The following SANBR variants were observed in gnomAD, a reference collection of about 807,000 sequenced individuals.
SANBR encodes SANT and BTB domain regulator of class switch recombination.
Under a neutral mutation model 101.8 loss-of-function variants are expected in SANBR, and 77 were observed. That is an observed-to-expected ratio of 0.76 (90% CI 0.63 to 0.91). The LOEUF is 0.91. Among genes scored for constraint, SANBR ranks in the 40% least tolerant of loss-of-function variants. SANBR has a pLI of 0.00. For synonymous variants in SANBR, 279 were observed against 274.7 expected (o/e 1.02, Z -0.15); for missense variants, 875 against 853.0 (o/e 1.03, Z -0.32).
intron 20 of SANBR, among the ~76,000 whole-genome samples, chr2:61,119,056 C>T (rs767497218): frequency 5.9e-5 from 9 of 152,182 alleles, no homozygotes; most frequent in South Asian, 4.2e-4. Flanking sequence ...ATCCAGCAGG[C>T]GACTGTCTGA....
chr2:61,094,633 CTCT>C (rs1248927260), intron 11 of SANBR, among the ~76,000 whole-genome samples: 4 of 132,258 alleles, frequency 3.0e-5, no homozygotes, highest in Non-Finnish European at 4.8e-5. Context: ...GTATTTATTT[CTCT>C]TCTTTTTTTT....
chr2:61,120,925 CA>C (rs1684305149), intron 20 of SANBR, among the ~76,000 whole-genome samples: 1 of 152,000 alleles, frequency 6.6e-6, no homozygotes, highest in South Asian at 2.1e-4. Flanking sequence ...GACAGGGGAA[CA>C]AGGGAATTTT....
At chr2:61,110,146 CTT>C (rs758406037) in intron 16 of SANBR, among the ~76,000 whole-genome samples, 1 of 152,160 alleles carries the variant, frequency 6.6e-6, no homozygotes, top group Non-Finnish European at 1.5e-5. Context: ...CATGAGTAAT[CTT>C]TTGTCTCTGG....
chr2:61,067,846 G>C (rs1378344265), intron 1 of SANBR, among the ~76,000 whole-genome samples: 5 of 152,200 alleles, frequency 3.3e-5, no homozygotes, highest in Non-Finnish European at 7.3e-5. Context: ...TCAGTGCTTT[G>C]TTCTCTAGAG....
chr2:61,068,359 G>A (rs1460911578), intron 1 of SANBR, among the ~76,000 whole-genome samples: 1 of 152,204 alleles, frequency 6.6e-6, no homozygotes, highest in African/African-American at 2.4e-5. Flanking sequence ...GCACAAGGCA[G>A]TGCTTTACAG....
At chr2:61,130,929 CAAAAAAAAAAAAAAAAA>C (rs59171411) in intron 20 of SANBR, among the ~76,000 whole-genome samples, 1 of 13,220 alleles carries the variant, frequency 7.6e-5, no homozygotes, top group African/African-American at 2.4e-4. Flanking sequence ...GACTCTGTCT[CAAAAAAAAAAAAAAAAA>C]AAAAAAAAAA....
chr2:61,115,963 G>A lies in SANBR; in HGVS notation c.1745-16G>A, dbSNP rs756092800. On this transcript the variant is annotated splice_polypyrimidine_tract_variant and intron_variant, in intron 16 of 21. Coordinates refer to ENST00000402291, the MANE Select transcript of SANBR (RefSeq NM_001129993.3). ...ATATGGGGCCTAAGTTTATAACATT[G>A]TCTTCTCATTATCAGGGAAAAAGGA... 2 of 1,551,334 alleles carry A rather than the reference G, an allele frequency of 1.3e-6. No individual in the cohort carries two copies. The highest frequency in any genetic ancestry group is 1.1e-5 in the South Asian group (1 of 87,436).
intron 20 of SANBR, among the ~76,000 whole-genome samples, chr2:61,133,550 C>T (rs755295663): frequency 4.0e-5 from 6 of 151,618 alleles, no homozygotes; most frequent in Admixed American, 1.3e-4. Context: ...CCCAGGAGTT[C>T]AAGACCGGCC....
intron 16 of SANBR, among the ~76,000 whole-genome samples, chr2:61,112,413 A>G (rs918820888): frequency 6.6e-6 from 1 of 151,780 alleles, no homozygotes; most frequent in African/African-American, 2.4e-5. Flanking sequence ...ATTTCTTTGT[A>G]TATACTTTAG....
At chr2:61,079,220 GA>G (rs1476355559) in intron 6 of SANBR, among the ~76,000 whole-genome samples, 1 of 152,042 alleles carries the variant, frequency 6.6e-6, no homozygotes, top group Non-Finnish European at 1.5e-5. Flanking sequence ...CAGTTTTTAA[GA>G]TTGTAAAGGG....
chr2:61,121,975 TCTC>T, intron 21 of SANBR, 148 bp from the exon 22 acceptor site: 1 of 989,188 alleles, frequency 1.0e-6, no homozygotes, highest in Non-Finnish European at 1.5e-6. Context: ...CAAAAATACA[TCTC>T]CTGTTAAGAG....
chr2:61,097,131 G>A (rs1186226081), intron 11 of SANBR, among the ~76,000 whole-genome samples: 1 of 152,162 alleles, frequency 6.6e-6, no homozygotes, highest in Non-Finnish European at 1.5e-5. Context: ...TCCAGCCTGG[G>A]CAACAGAGCG....
At chr2:61,085,774 G>A (rs1039596536) in intron 8 of SANBR, among the ~76,000 whole-genome samples, 7 of 151,810 alleles carry the variant, frequency 4.6e-5, no homozygotes, top group Non-Finnish European at 7.4e-5. Flanking sequence ...GCCTCCCAAC[G>A]TGCTGAGATT....
At chr2:61,103,409 G>A (rs557481093) in intron 12 of SANBR, among the ~76,000 whole-genome samples, 1 of 152,250 alleles carries the variant, frequency 6.6e-6, no homozygotes, top group African/African-American at 2.4e-5. Context: ...AAAGTGCTGG[G>A]ATTATAGGCT....
chr2:61,103,881 C>A lies in SANBR; in HGVS notation c.1394C>A (p.Thr465Lys). The A allele has an allele frequency of 6.2e-7, 1 of 1,614,178 alleles. No homozygotes were observed. The highest frequency in any genetic ancestry group is 1.1e-5 in the South Asian group (1 of 91,082). ...TGTAAAGTGAGGGACCACATGGTTACACTTCGTGATCAAGGTGAAGGCGGA... is the reference window on the plus strand; with the variant it reads ...TGTAAAGTGAGGGACCACATGGTTAAACTTCGTGATCAAGGTGAAGGCGGA... Reference protein sequence around the residue: ...KGCKVRDHMVTLRDQGEGGDL... With the variant: ...KGCKVRDHMVKLRDQGEGGDL... Residue 465 changes from threonine to lysine, a missense_variant, in exon 13 of 22, where the codon ACA (threonine) becomes AAA (lysine). Physicochemically the swap from Thr to Lys is moderately conservative, Grantham distance 78. Transcript: ENST00000402291.
At chr2:61,132,191 T>G (rs975918171) in intron 20 of SANBR, among the ~76,000 whole-genome samples, 1 of 152,186 alleles carries the variant, frequency 6.6e-6, no homozygotes, top group Non-Finnish European at 1.5e-5. Flanking sequence ...AATTAAAAAC[T>G]TTTATGCTTC....
intron 20 of SANBR, among the ~76,000 whole-genome samples, chr2:61,120,649 C>T (rs1684290676): frequency 6.6e-6 from 1 of 152,118 alleles, no homozygotes; most frequent in Non-Finnish European, 1.5e-5. Flanking sequence ...GAGGATCACC[C>T]AGGAGGTCAG....
chr2:61,091,980 A>G (rs756099180), intron 10 of SANBR, among the ~76,000 whole-genome samples: 72 of 152,360 alleles, frequency 4.7e-4, no homozygotes, highest in South Asian at 2.1e-4. Context: ...TATTAGTGAT[A>G]TAAAGTACTA....
chr2:61,085,703 G>T (rs1298821995), intron 8 of SANBR, among the ~76,000 whole-genome samples: 4 of 151,716 alleles, frequency 2.6e-5, no homozygotes, highest in Non-Finnish European at 1.5e-5. Flanking sequence ...TAGAGACGGG[G>T]TTTCACCATG....
Sources: gnomAD v4.1 joint callset for allele counts (sites outside exome capture counted in the v4.1 genomes callset) on GRCh38, gnomAD v4.1.1 for gene constraint, MANE v1.5 for transcripts, NCBI Gene and HGNC (gene_info 2026-07-23, HGNC 2026-07-21) for gene names.